Variants in LITAF observed in about 807,000 individuals in gnomAD.
LITAF encodes lipopolysaccharide-induced tumor necrosis factor-alpha factor.
In LITAF, 9 loss-of-function variants were observed where a neutral mutation model predicts 14.5. The observed-to-expected ratio is 0.62, with a 90% CI of 0.37 to 1.08. LITAF has a LOEUF of 1.08. Among genes scored for constraint, LITAF ranks in the 50% least tolerant of loss-of-function variants. The pLI is 0.01. For missense variants in LITAF, 206 were observed against 213.4 expected, an observed-to-expected ratio of 0.97 and a Z score of 0.22; for synonymous variants, 98 against 88.2, an observed-to-expected ratio of 1.11 and a Z score of -0.62.
chr16:11,580,229 T>A (rs764851437), intron 1 of LITAF, among the ~76,000 whole-genome samples: 5 of 151,910 alleles, frequency 3.3e-5, no homozygotes, highest in Non-Finnish European at 7.4e-5. Flanking sequence ...TAAAGGAAAG[T>A]GACTATCATA....
At chr16:11,628,498 A>AT (rs576351153) in intron 3 of LITAF, among the ~76,000 whole-genome samples, 1 of 151,980 alleles carries the variant, frequency 6.6e-6, no homozygotes, top group Non-Finnish European at 1.5e-5. Context: ...GACCCTTTCT[A>AT]TTTTTTTATT....
chr16:11,626,062 G>C (rs895299313), intron 3 of LITAF, among the ~76,000 whole-genome samples: 8 of 152,130 alleles, frequency 5.3e-5, no homozygotes, highest in Non-Finnish European at 7.3e-5. Context: ...AGGAGTTCCA[G>C]AGACTGGGCT....
chr16:11,620,498 G>A (rs576040729), intron 3 of LITAF, among the ~76,000 whole-genome samples: 3 of 152,206 alleles, frequency 2.0e-5, no homozygotes, highest in South Asian at 4.2e-4. Context: ...TGTACAGCCT[G>A]CAGAACCATG....
chr16:11,559,901 G>A (rs2064332960), intron 1 of LITAF, among the ~76,000 whole-genome samples: 2 of 151,520 alleles, frequency 1.3e-5, no homozygotes, highest in African/African-American at 4.9e-5. Context: ...AGGCTGAGGT[G>A]GGAGAATCAC....
chr16:11,600,346 C>T (rs547773207), upstream of LITAF, among the ~76,000 whole-genome samples: 2 of 152,316 alleles, frequency 1.3e-5, no homozygotes, highest in African/African-American at 4.8e-5. This position sits in a 1 kb window ranked among gnomAD's most constrained non-coding sequence, Gnocchi z 4.1. Flanking sequence ...CTAGAGGGTC[C>T]CTGCTGGGAG....
At chr16:11,578,347 C>A (rs2064676034) in intron 1 of LITAF, among the ~76,000 whole-genome samples, 1 of 152,096 alleles carries the variant, frequency 6.6e-6, no homozygotes, top group Non-Finnish European at 1.5e-5. Context: ...CACCTGAGGT[C>A]GGGAGTTCGA....
Position 11,586,441 on chromosome 16 carries a change from T to C in LITAF, c.-6+445A>G, listed in dbSNP as rs1597360762. ...CATTTGGGAATTCGTTGGGGTTTTT[T>C]TGTTTGTTTTGGTTTTGTTTCTGAA... On this transcript the variant is annotated intron_variant, in intron 1 of 3. Transcript: ENST00000622633. This position sits in a 1 kb window ranked among gnomAD's most constrained non-coding sequence, Gnocchi z 6.5. 1 of 152,138 alleles carries C rather than the reference T, an allele frequency of 6.6e-6. No homozygotes were observed. Among genetic ancestry groups the C allele is most frequent in the East Asian group, 1.9e-4 (1 of 5,168 alleles). 9.4% of individuals were successfully genotyped at this position (152,138 alleles called of 1,614,324 possible).
chr16:11,585,894 C>T (rs1476343998), intron 1 of LITAF, among the ~76,000 whole-genome samples: 1 of 152,216 alleles, frequency 6.6e-6, no homozygotes, highest in East Asian at 1.9e-4. Flanking sequence ...ATCAGCTCCA[C>T]TGTCGGGAAG....
upstream of LITAF, among the ~76,000 whole-genome samples, chr16:11,599,372 A>G (rs2064913843): frequency 6.6e-6 from 1 of 152,094 alleles, no homozygotes; most frequent in African/African-American, 2.4e-5. Flanking sequence ...CCCACCTCGG[A>G]CTGCCAAAGT....
chr16:11,562,765 C>T (rs1174025027), intron 1 of LITAF, among the ~76,000 whole-genome samples: 1 of 151,942 alleles, frequency 6.6e-6, no homozygotes, highest in Non-Finnish European at 1.5e-5. Flanking sequence ...GGCGTTATGG[C>T]AGATGCCTGT....
At chr16:11,608,180 C>T (rs1409532658) in intron 3 of LITAF, among the ~76,000 whole-genome samples, 1 of 152,212 alleles carries the variant, frequency 6.6e-6, no homozygotes, top group Non-Finnish European at 1.5e-5. Flanking sequence ...ACAGATAAAC[C>T]CCACTGGGGT....
At chr16:11,628,824 A>G (rs1281410923) in intron 3 of LITAF, among the ~76,000 whole-genome samples, 2 of 152,062 alleles carry the variant, frequency 1.3e-5, no homozygotes, top group Non-Finnish European at 2.9e-5. Flanking sequence ...TTTCAGGCGC[A>G]CACCACCATG....
At position 11,593,457 on chromosome 16, in the gene LITAF, T is replaced by C. The variant is rs140668719; in HGVS notation, c.-6+4931A>G. Among the ~76,000 whole-genome samples, 193 of 151,422 alleles carry C rather than the reference T, an allele frequency of 1.3e-3. 1 individual carries two copies. The highest frequency in any genetic ancestry group is 2.2e-3 in the Non-Finnish European group (151 of 67,876). ...CATTGCTGGTGAGAACATAAAATGC[T>C]ATAGCTACTGTTCCACTCCAAGGTA... On this transcript the variant is annotated intron_variant, in intron 1 of 3. Coordinates refer to the LITAF transcript ENST00000571627.
intron 3 of LITAF, among the ~76,000 whole-genome samples, chr16:11,619,017 A>T (rs1462331951): frequency 1.3e-5 from 2 of 151,346 alleles, no homozygotes; most frequent in Non-Finnish European, 2.9e-5. Context: ...AAACAAAAAA[A>T]ACCCCAGCAC....
At chr16:11,580,673 T>C (rs1350462774) in intron 1 of LITAF, among the ~76,000 whole-genome samples, 1 of 152,196 alleles carries the variant, frequency 6.6e-6, no homozygotes, top group Non-Finnish European at 1.5e-5. Context: ...TTTATCTGCA[T>C]TAACAAGGCA....
chr16:11,637,275 C>A (rs980293737), upstream of LITAF, among the ~76,000 whole-genome samples: 1 of 152,188 alleles, frequency 6.6e-6, no homozygotes, highest in African/African-American at 2.4e-5. Flanking sequence ...GGCAGGAACG[C>A]CCATCTCTTT....
At chr16:11,622,702 G>A (rs1475709768) in intron 3 of LITAF, among the ~76,000 whole-genome samples, 1 of 152,082 alleles carries the variant, frequency 6.6e-6, no homozygotes, top group African/African-American at 2.4e-5. Flanking sequence ...GATACTGGAG[G>A]GGTAGGTGGT....
At chr16:11,614,120 C>A (rs1374761775) in intron 3 of LITAF, among the ~76,000 whole-genome samples, 1 of 152,108 alleles carries the variant, frequency 6.6e-6, no homozygotes, top group Non-Finnish European at 1.5e-5. Context: ...ACTCTCCTTT[C>A]TCCCTCCTAC....
intron 3 of LITAF, among the ~76,000 whole-genome samples, chr16:11,624,832 C>T (rs1180057126): frequency 6.6e-6 from 1 of 152,144 alleles, no homozygotes; most frequent in Non-Finnish European, 1.5e-5. Context: ...CTTGCTTTGA[C>T]CAATAGAATA....
Sources: allele counts gnomAD v4.1 joint callset (sites outside exome capture counted in the v4.1 genomes callset), GRCh38; gene constraint gnomAD v4.1.1; non-coding constraint Gnocchi (gnomAD v3.1); transcripts MANE v1.5; gene names NCBI Gene and HGNC (gene_info 2026-07-23, HGNC 2026-07-21).